DCAF8L2: variants seen among roughly 807,000 people sequenced by gnomAD.
The protein encoded by DCAF8L2 is DDB1- and CUL4-associated factor 8-like protein 2.
For synonymous variants in DCAF8L2, 200 were observed against 190.9 expected (o/e 1.05, Z -0.39); for missense variants, 430 against 490.7 (o/e 0.88, Z 1.17).
chrX:27,710,973 A>G (rs1489542203), intron 3 of DCAF8L2, among the ~76,000 whole-genome samples: 1 of 111,979 alleles, frequency 8.9e-6, no homozygotes, highest in Non-Finnish European at 1.9e-5. Flanking sequence ...GATTTTGTAA[A>G]ACGATTTTTC....
chrX:27,550,679 T>C, the DCAF8L2 span, among the ~76,000 whole-genome samples: 1 of 111,341 alleles, frequency 9.0e-6, no homozygotes, highest in South Asian at 3.8e-4. Context: ...CTCTCCATCT[T>C]CCCTCCCCTC....
chrX:27,549,025 G>T, the DCAF8L2 span, among the ~76,000 whole-genome samples: 5 of 111,826 alleles, frequency 4.5e-5, no homozygotes, highest in Non-Finnish European at 9.4e-5. Context: ...CAAGGCTGTA[G>T]CTCCACATTT....
intron 1 of DCAF8L2, among the ~76,000 whole-genome samples, chrX:27,621,858 G>T (rs947190277): frequency 9.1e-6 from 1 of 110,166 alleles, no homozygotes; most frequent in African/African-American, 3.3e-5. Context: ...GCCAGATGCG[G>T]TGTCAGATGC....
At chrX:27,676,923 A>G (rs958474184) in intron 2 of DCAF8L2, 3 of 111,508 alleles carry the variant, frequency 2.7e-5, no homozygotes, top group Admixed American at 9.6e-5. Context: ...TTGCCTAAAC[A>G]AAATGCTGTC....
the DCAF8L2 span, among the ~76,000 whole-genome samples, chrX:27,547,871 T>TCTCTCTCTC: frequency 5.2e-5 from 1 of 19,276 alleles, no homozygotes; most frequent in African/African-American, 2.4e-4. Flanking sequence ...CTCTCTCTCT[T>TCTCTCTCTC]TCTCTCTCTC....
At chrX:27,641,812 G>A (rs753987276) in intron 2 of DCAF8L2, among the ~76,000 whole-genome samples, 1 of 110,134 alleles carries the variant, frequency 9.1e-6, no homozygotes, top group African/African-American at 3.3e-5. Context: ...TCTGCATAAC[G>A]TGTGTTTGCC....
intron 3 of DCAF8L2, among the ~76,000 whole-genome samples, chrX:27,708,754 TC>T (rs1453345305): frequency 8.9e-6 from 1 of 111,953 alleles, no homozygotes; most frequent in Non-Finnish European, 1.9e-5. Flanking sequence ...ATCTTCCCCT[TC>T]TCCTCAAAAC....
the DCAF8L2 span, chrX:27,518,950 G>A: frequency 1.7e-6 from 1 of 593,453 alleles, no homozygotes; most frequent in East Asian, 3.3e-5. Context: ...AAAGGCACCT[G>A]ATTTTGTTTT....
At chrX:27,584,467 C>A in the DCAF8L2 span, among the ~76,000 whole-genome samples, 1 of 102,885 alleles carries the variant, frequency 9.7e-6, no homozygotes, top group Admixed American at 1.1e-4. Flanking sequence ...TGCTTGATTC[C>A]TCCAAATAGC....
chrX:27,512,033 G>A, the DCAF8L2 span, among the ~76,000 whole-genome samples: 1 of 111,749 alleles, frequency 8.9e-6, no homozygotes, highest in Non-Finnish European at 1.9e-5. Flanking sequence ...GTGAGGCTGA[G>A]GTGGAGGATT....
chrX:27,486,815 A>G, the DCAF8L2 span, among the ~76,000 whole-genome samples: 80 of 111,672 alleles, frequency 7.2e-4, no homozygotes, highest in African/African-American at 2.5e-3. Flanking sequence ...ATTTTATTCC[A>G]TTAATCTATA....
At chrX:27,563,016 A>G in the DCAF8L2 span, among the ~76,000 whole-genome samples, 2 of 111,956 alleles carry the variant, frequency 1.8e-5, no homozygotes, top group African/African-American at 6.5e-5. Flanking sequence ...CAAACATTCA[A>G]CAATTGGGGC....
chrX:27,592,355 C>T (rs1926133278), intron 1 of DCAF8L2, among the ~76,000 whole-genome samples: 1 of 111,956 alleles, frequency 8.9e-6, no homozygotes. Context: ...AGGGTGCTGG[C>T]CCTGCCATTC....
chrX:27,660,061 T>G (rs1222861916), intron 2 of DCAF8L2, among the ~76,000 whole-genome samples: 2 of 111,936 alleles, frequency 1.8e-5, no homozygotes, highest in African/African-American at 6.5e-5. Context: ...TCGCTCTTGT[T>G]GCTCAGGCTG....
At chrX:27,516,910 CTG>C in the DCAF8L2 span, among the ~76,000 whole-genome samples, 3 of 111,419 alleles carry the variant, frequency 2.7e-5, no homozygotes, top group Non-Finnish European at 5.6e-5. Context: ...TATTAATAAT[CTG>C]TTTTTCTAAA....
chrX:27,587,689 G>T (rs755395611), upstream of DCAF8L2, among the ~76,000 whole-genome samples: 1 of 111,054 alleles, frequency 9.0e-6, no homozygotes, highest in South Asian at 3.7e-4. Flanking sequence ...TAGTTAGTGG[G>T]TTGACAAACT....
At chrX:27,667,295 T>G (rs147215804) in intron 2 of DCAF8L2, among the ~76,000 whole-genome samples, 1,231 of 111,940 alleles carry the variant, frequency 0.011, 7 homozygotes, top group Middle Eastern at 0.032. Flanking sequence ...TAAGAATAAG[T>G]AGAAACACAC....
At chrX:27,636,514 G>T (rs1023882109) in intron 2 of DCAF8L2, among the ~76,000 whole-genome samples, 3 of 111,686 alleles carry the variant, frequency 2.7e-5, no homozygotes, top group African/African-American at 9.8e-5. Context: ...CCTGAACAAG[G>T]AAGTGTGTAT....
chrX:27,714,279 T>C (rs1299883859), intron 3 of DCAF8L2, among the ~76,000 whole-genome samples: 2 of 111,779 alleles, frequency 1.8e-5, no homozygotes, highest in Non-Finnish European at 3.8e-5. Context: ...ATTAAACACC[T>C]AAAACGATAG....
Sources: allele counts gnomAD v4.1 joint callset (sites outside exome capture counted in the v4.1 genomes callset), GRCh38; gene constraint gnomAD v4.1.1; transcripts MANE v1.5; gene names NCBI Gene and HGNC (gene_info 2026-07-23, HGNC 2026-07-21).